The following LMO1 variants were observed in gnomAD, a reference collection of about 807,000 sequenced individuals.
LMO1 encodes the protein LIM domain only 1, also known as rhombotin-1.
LMO1 carries 10 observed loss-of-function variants against 18.0 expected under a neutral mutation model. The ratio of observed to expected loss-of-function variants is 0.55; its 90% CI spans 0.34 to 0.94. The LOEUF (loss-of-function observed/expected upper bound fraction) is 0.94. Among genes scored for constraint, LMO1 ranks in the 40% least tolerant of loss-of-function variants. The pLI is 0.02. For synonymous variants in LMO1, 77 were observed against 77.9 expected, an observed-to-expected ratio of 0.99 and a Z score of 0.06; for missense variants, 183 against 205.7, an observed-to-expected ratio of 0.89 and a Z score of 0.68.
intron 1 of LMO1, among the ~76,000 whole-genome samples, chr11:8,241,146 C>T (rs548701379): frequency 1.3e-5 from 2 of 152,160 alleles, no homozygotes; most frequent in Non-Finnish European, 1.5e-5. Context: ...CCAAACCTGG[C>T]CCCTGTACCC....
intron 1 of LMO1, among the ~76,000 whole-genome samples, chr11:8,235,145 C>G (rs1478678159): frequency 6.6e-6 from 1 of 152,034 alleles, no homozygotes; most frequent in African/African-American, 2.4e-5. Flanking sequence ...TAACAGTCAC[C>G]CCAGGATACC....
intron 1 of LMO1, among the ~76,000 whole-genome samples, chr11:8,248,889 A>G (rs756300856): frequency 5.3e-5 from 8 of 152,230 alleles, no homozygotes; most frequent in African/African-American, 9.6e-5. Flanking sequence ...GAGCCTAGAA[A>G]GCCAGGATTG....
At chr11:8,230,583 G>A in intron 1 of LMO1, 79 bp from the exon 2 acceptor site, 1 of 1,423,610 alleles carries the variant, frequency 7.0e-7, no homozygotes, top group Non-Finnish European at 9.7e-7. Context: ...CAAGAATGGG[G>A]AGCTCACTGC....
At chr11:8,253,373 G>C (rs117165086) in intron 1 of LMO1, among the ~76,000 whole-genome samples, 3,973 of 152,282 alleles carry the variant, frequency 0.026, 86 homozygotes, top group Middle Eastern at 0.058. Flanking sequence ...ACTCTCAGAA[G>C]CTTTGCCTGT....
At position 8,230,502 on chromosome 11, in the gene LMO1, C is replaced by G. The variant is rs774615420; in HGVS notation, c.28G>C (p.Val10Leu). ...TTGGGCTGGACGGAGAGCATCGGCA[C>G]GCCTGCAGACGGACAGACAGACAGC... MMVLDKEDG[V>L]PMLSVQPKGK... The change falls in exon 2 of 4, where the codon GTG becomes CTG. Residue 10 changes from valine (V) to leucine (L), a missense_variant and splice_region_variant. Coordinates refer to ENST00000335790, the MANE Select transcript of LMO1 (RefSeq NM_002315.3). The G allele has an allele frequency of 1.2e-6, 2 of 1,610,968 alleles. No individual in the cohort carries two copies. Among genetic ancestry groups the G allele is most frequent in the Non-Finnish European group, 8.5e-7 (1 of 1,179,822 alleles).
intron 1 of LMO1, among the ~76,000 whole-genome samples, chr11:8,242,741 G>A (rs1044360277): frequency 1.3e-5 from 2 of 152,188 alleles, no homozygotes; most frequent in East Asian, 1.9e-4. Flanking sequence ...GCTCCCAAGA[G>A]GCCTGCAGTC....
upstream of LMO1, among the ~76,000 whole-genome samples, chr11:8,265,188 T>G (rs1847248694): frequency 6.6e-6 from 1 of 152,256 alleles, no homozygotes; most frequent in Non-Finnish European, 1.5e-5. Context: ...TTTCTCTATC[T>G]GGGCCTCAGT....
Position 8,224,643 on chromosome 11 carries a change from A to C in LMO1, c.444T>G (p.Asn148Lys). ...CQMDYEEGQL[N>K]GTFESQVQ ...ACTGAACTTGGGATTCAAAGGTGCC[A>C]TTGAGCTGCCCTTCCTCATAGTCCA... Residue 148 changes from asparagine to lysine, a missense_variant, in exon 4 of 4, where the codon AAT becomes AAG. Coordinates refer to ENST00000335790, the MANE Select transcript of LMO1 (RefSeq NM_002315.3). The C allele has an allele frequency of 6.2e-7, 1 of 1,609,216 alleles. No individual in the cohort carries two copies. Among genetic ancestry groups the C allele is most frequent in the Non-Finnish European group, 8.5e-7 (1 of 1,177,414 alleles).
At chr11:8,224,771 A>G in intron 3 of LMO1, 50 bp from the exon 4 acceptor site, 2 of 1,259,664 alleles carry the variant, frequency 1.6e-6, no homozygotes, top group Non-Finnish European at 2.3e-6. Context: ...CCCAGTGGGT[A>G]AGGGGGGGGC....
At chr11:8,248,231 A>T (rs1317219233) in intron 1 of LMO1, among the ~76,000 whole-genome samples, 1 of 152,238 alleles carries the variant, frequency 6.6e-6, no homozygotes, top group African/African-American at 2.4e-5. Flanking sequence ...AAAGAATTCT[A>T]AAGATTTCAC....
Position 8,254,489 on chromosome 11 carries a change from C to T in LMO1, c.25+8849G>A, listed in dbSNP as rs192812844. Among the ~76,000 whole-genome samples the T allele has an allele frequency of 3.0e-4, 46 of 152,348 alleles. 1 individual carries two copies. The highest frequency in any genetic ancestry group is 5.9e-5 in the Non-Finnish European group (4 of 68,038). On this transcript the variant is annotated intron_variant, in intron 1 of 3. Transcript: ENST00000335790. ...ATTGATTCTCACCTGGCTGCATCTG[C>T]ATATATGCTCAGGTCTAAGTCAGCT...
At position 8,224,521 on chromosome 11, in the gene LMO1, G is replaced by T; in HGVS notation, c.*95C>A. ...GTTCTAATGTGGCAGGAGAGCGGCT[G>T]GCCAGCCTGCACTGGTAGAGTGGCT... On this transcript the variant is annotated 3_prime_UTR_variant, in exon 4 of 4. Coordinates refer to ENST00000335790, the MANE Select transcript of LMO1 (RefSeq NM_002315.3). 1 of 709,990 alleles carries T rather than the reference G, an allele frequency of 1.4e-6. No homozygotes were observed. Among genetic ancestry groups the T allele is most frequent in the Non-Finnish European group, 2.4e-6 (1 of 410,378 alleles). 44.0% of individuals were successfully genotyped at this position (709,990 alleles called of 1,614,324 possible). A position where few individuals can be genotyped will look rare whatever the true frequency, so the allele number is the denominator to read the frequency against.
chr11:8,264,821 C>T (rs554769071), upstream of LMO1, among the ~76,000 whole-genome samples: 15 of 152,168 alleles, frequency 9.9e-5, no homozygotes, highest in Non-Finnish European at 1.6e-4. Context: ...TTAGTAGAGA[C>T]GGGGTTTTAC....
chr11:8,263,701 A>C lies in LMO1; in HGVS notation c.-339T>G. ...TAAATGGCTCAATTTGCCCAGTATA[A>C]TCTGTCTTAATGTAATTGCATTTGA... On this transcript the variant is annotated 5_prime_UTR_variant, in exon 1 of 4. Transcript: ENST00000335790. 8.2e-7 allele frequency: 1 copy of C among 1,225,366 alleles called. No individual in the cohort carries two copies. Among genetic ancestry groups the C allele is most frequent in the Non-Finnish European group, 1.0e-6 (1 of 981,130 alleles). The allele number at this position is 1,225,366 out of a possible 1,614,324, so 75.9% of individuals were successfully genotyped here.
chr11:8,234,546 G>A (rs1169791025), intron 1 of LMO1, among the ~76,000 whole-genome samples: 1 of 152,142 alleles, frequency 6.6e-6, no homozygotes, highest in East Asian at 1.9e-4. Flanking sequence ...CAGCCTGGGG[G>A]ATGCTTACCC....
intron 1 of LMO1, among the ~76,000 whole-genome samples, chr11:8,237,831 A>T (rs901925130): frequency 4.6e-5 from 7 of 152,214 alleles, no homozygotes; most frequent in Non-Finnish European, 8.8e-5. Context: ...AGGCCCTGAG[A>T]CTGTGGGCCC....
intron 1 of LMO1, among the ~76,000 whole-genome samples, chr11:8,247,088 GTC>G (rs59246739): frequency 7.9e-5 from 12 of 152,272 alleles, no homozygotes; most frequent in African/African-American, 2.6e-4. Flanking sequence ...GTCTTCCCAG[GTC>G]TCTCTTTGTT....
Position 8,224,574 on chromosome 11 carries a change from CG to C in LMO1, c.*41del. ...CTGGCCGGCCAGGCAGGTGGGCAGG[CG>C]GGCAGATGGACAGACGGGCCTGGAG... On this transcript the variant is annotated 3_prime_UTR_variant, in exon 4 of 4. Transcript: ENST00000335790. The C allele has an allele frequency of 7.7e-7, 1 of 1,293,348 alleles. No homozygotes were observed. Among genetic ancestry groups the C allele is most frequent in the South Asian group, 1.3e-5 (1 of 78,772 alleles). The allele number at this position is 1,293,348 out of a possible 1,614,324, so 80.1% of individuals were successfully genotyped here. A position where few individuals can be genotyped will look rare whatever the true frequency, so the allele number is the denominator to read the frequency against.
At chr11:8,257,191 T>C (rs2134581015) in intron 1 of LMO1, among the ~76,000 whole-genome samples, 1 of 152,300 alleles carries the variant, frequency 6.6e-6, no homozygotes, top group South Asian at 2.1e-4. Context: ...ACAAGTTGAC[T>C]CCACTGGTGT....
Sources: gnomAD v4.1 joint callset for allele counts (sites outside exome capture counted in the v4.1 genomes callset) on GRCh38, gnomAD v4.1.1 for gene constraint, MANE v1.5 for transcripts, NCBI Gene and HGNC (gene_info 2026-07-23, HGNC 2026-07-21) for gene names.